The following SPACA6 variants were observed in gnomAD, a reference collection of about 807,000 sequenced individuals.
SPACA6 encodes the protein sperm acrosome associated 6.
For synonymous variants in SPACA6, 6 were observed against 1.5 expected (o/e 4.05, Z -2.21); for missense variants, 8 against 2.8 (o/e 2.88, Z -1.34).
intron 8 of SPACA6, chr19:51,704,681 A>C (rs2083500934): frequency 2.5e-6 from 1 of 397,314 alleles, no homozygotes; most frequent in South Asian, 1.3e-4. Flanking sequence ...CCTTAGATCT[A>C]AGAGTCCAGG....
upstream of SPACA6, among the ~76,000 whole-genome samples, chr19:51,690,588 C>T (rs987370002): frequency 6.6e-6 from 1 of 152,048 alleles, no homozygotes; most frequent in East Asian, 1.9e-4. Flanking sequence ...GGGGGCTCCC[C>T]AGGGTCCGCA....
upstream of SPACA6, chr19:51,692,901 C>T (rs546684307): frequency 7.5e-6 from 4 of 531,910 alleles, no homozygotes; most frequent in Admixed American, 5.8e-5. The surrounding 1 kb of genome is among the most constrained non-coding windows in gnomAD (Gnocchi z 5.6). Context: ...GCGGGGACCC[C>T]CAGCCCCACT....
chr19:51,686,077 T>A (rs185225026), upstream of SPACA6: 2 of 152,198 alleles, frequency 1.3e-5, no homozygotes, highest in East Asian at 1.9e-4. Flanking sequence ...ATGAGTCTTA[T>A]GTGCTGAGAG....
downstream of SPACA6, among the ~76,000 whole-genome samples, chr19:51,710,183 G>A (rs1054797033): frequency 2.0e-5 from 3 of 152,212 alleles, no homozygotes; most frequent in African/African-American, 7.2e-5. Flanking sequence ...AGAGGCCTAT[G>A]TGAGTATTCT....
At chr19:51,706,751 C>G (rs1365174896), downstream of SPACA6, among the ~76,000 whole-genome samples, 4 of 152,166 alleles carry the variant, frequency 2.6e-5, no homozygotes, top group Admixed American at 2.6e-4. Flanking sequence ...CCTCCACCTC[C>G]CGGGTTCAAG....
chr19:51,705,205 C>T (rs745943226), downstream of SPACA6: 17 of 400,504 alleles, frequency 4.2e-5, no homozygotes, highest in East Asian at 7.1e-5. Flanking sequence ...GTTTCATCTC[C>T]GAAGGTGGTC....
intron 2 of SPACA6, among the ~76,000 whole-genome samples, chr19:51,700,910 A>G (rs538844462): frequency 2.6e-5 from 4 of 152,228 alleles, no homozygotes; most frequent in Admixed American, 1.3e-4. Flanking sequence ...GTGCTAGGGA[A>G]TGTGGTGGTT....
At chr19:51,688,800 G>A (rs2083341464), upstream of SPACA6, among the ~76,000 whole-genome samples, 1 of 151,954 alleles carries the variant, frequency 6.6e-6, no homozygotes. Context: ...GCGAAAGGAA[G>A]GACAGATGTG....
chr19:51,694,371 G>T (rs1046983439), intron 1 of SPACA6, 107 bp from the exon 2 acceptor site: 5 of 398,270 alleles, frequency 1.3e-5, no homozygotes, highest in Non-Finnish European at 2.2e-5. Context: ...GAGAGGGGAG[G>T]ATACAGACTT....
intron 2 of SPACA6, among the ~76,000 whole-genome samples, chr19:51,699,819 G>T (rs2083455294): frequency 6.6e-6 from 1 of 152,144 alleles, no homozygotes; most frequent in African/African-American, 2.4e-5. Context: ...GCGGGGGATG[G>T]GGGGTGGGCG....
chr19:51,707,367 C>T (rs1008551507), downstream of SPACA6, among the ~76,000 whole-genome samples: 2 of 151,882 alleles, frequency 1.3e-5, no homozygotes, highest in African/African-American at 2.4e-5. Flanking sequence ...ACTACAAAGG[C>T]GTGTGCCACC....
upstream of SPACA6, among the ~76,000 whole-genome samples, chr19:51,688,937 G>GGACGGAGA (rs2083343804): frequency 1.4e-5 from 2 of 147,238 alleles, 1 homozygote; most frequent in Non-Finnish European, 3.0e-5. Context: ...GAGAAGGGAG[G>GGACGGAGA]GAGGGAGAGA....
At chr19:51,702,133 C>T (rs2083473169) in intron 3 of SPACA6, among the ~76,000 whole-genome samples, 1 of 152,136 alleles carries the variant, frequency 6.6e-6, no homozygotes, top group African/African-American at 2.4e-5. Flanking sequence ...CTCTGAGCCT[C>T]AGACCTTGAG....
At chr19:51,700,551 C>T (rs2122215687) in intron 2 of SPACA6, among the ~76,000 whole-genome samples, 1 of 152,272 alleles carries the variant, frequency 6.6e-6, no homozygotes, top group South Asian at 2.1e-4. Flanking sequence ...TATAACACAT[C>T]CCAGGGATGG....
chr19:51,697,279 G>A (rs2083437060), intron 2 of SPACA6, among the ~76,000 whole-genome samples: 1 of 152,154 alleles, frequency 6.6e-6, no homozygotes, highest in South Asian at 2.1e-4. Flanking sequence ...GCAGCTGTAT[G>A]GGGCCTGGAC....
chr19:51,703,961 G>C lies in SPACA6; in HGVS notation c.574-69G>C. 7.5e-6 allele frequency: 3 copies of C among 398,742 alleles called. No homozygotes were observed. Among genetic ancestry groups the C allele is most frequent in the Non-Finnish European group, 1.3e-5 (3 of 226,220 alleles). 24.7% of individuals were successfully genotyped at this position (398,742 alleles called of 1,614,324 possible). On this transcript the variant is annotated intron_variant, in intron 6 of 8. Transcript: ENST00000637797. This position sits in a 1 kb window ranked among gnomAD's most constrained non-coding sequence, Gnocchi z 4.2. ...ACTCCAGGGGGCGTGGTCTGGCTCG[G>C]GGGGCGGGGCTTGTAGGTTACTCAG...
chr19:51,711,441 G>A (rs2083540871), intron 2 of SPACA6, among the ~76,000 whole-genome samples: 1 of 152,168 alleles, frequency 6.6e-6, no homozygotes, highest in African/African-American at 2.4e-5. Context: ...TTGCTGGTGG[G>A]AATGTAAAAC....
intron 2 of SPACA6, among the ~76,000 whole-genome samples, chr19:51,711,697 T>C (rs1405661301): frequency 1.3e-5 from 2 of 152,222 alleles, no homozygotes; most frequent in African/African-American, 2.4e-5. Context: ...CTGTGGACTA[T>C]TATTTGGCCA....
At chr19:51,684,832 C>T (rs551713783), upstream of SPACA6, among the ~76,000 whole-genome samples, 1 of 152,312 alleles carries the variant, frequency 6.6e-6, no homozygotes, top group South Asian at 2.1e-4. Flanking sequence ...GTTGGACAAG[C>T]TTGATTTAGA....
Sources: gnomAD v4.1 joint callset for allele counts (sites outside exome capture counted in the v4.1 genomes callset) on GRCh38, gnomAD v4.1.1 for gene constraint, Gnocchi (gnomAD v3.1) non-coding constraint, MANE v1.5 for transcripts, NCBI Gene and HGNC (gene_info 2026-07-23, HGNC 2026-07-21) for gene names.